GRIK2: variants seen among roughly 807,000 people sequenced by gnomAD.
The protein encoded by GRIK2 is glutamate receptor ionotropic, kainate 2.
Under a neutral mutation model 100.3 loss-of-function variants are expected in GRIK2, and 32 were observed. The ratio of observed to expected loss-of-function variants is 0.32; its 90% CI spans 0.24 to 0.43. The LOEUF is 0.43. Ranked by LOEUF, GRIK2 falls within the 20% of genes least tolerant of loss-of-function variation. The pLI, the probability that GRIK2 is intolerant of heterozygous loss-of-function variation, is 1.00. For synonymous variants in GRIK2, 417 were observed against 389.4 expected, an observed-to-expected ratio of 1.07 and a Z score of -0.83; for missense variants, 843 against 1,114.9, an observed-to-expected ratio of 0.76 and a Z score of 3.47.
At chr6:101,750,487 A>G (rs189755362) in intron 7 of GRIK2, among the ~76,000 whole-genome samples, 92 of 152,326 alleles carry the variant, frequency 6.0e-4, no homozygotes, top group Non-Finnish European at 1.0e-3. Flanking sequence ...CAAACCTTGT[A>G]GAGGAATCCT....
intron 10 of GRIK2, among the ~76,000 whole-genome samples, chr6:101,840,243 G>A (rs1303344479): frequency 6.6e-6 from 1 of 152,144 alleles, no homozygotes; most frequent in East Asian, 1.9e-4. Context: ...AGTTCTTTAA[G>A]CATATTGGGA....
intron 2 of GRIK2, among the ~76,000 whole-genome samples, chr6:101,589,126 C>A (rs1025136522): frequency 1.3e-5 from 2 of 152,038 alleles, no homozygotes; most frequent in African/African-American, 4.8e-5. Context: ...GGCTGCGATT[C>A]ACTATGACAC....
intron 4 of GRIK2, among the ~76,000 whole-genome samples, chr6:101,663,600 T>C (rs893897147): frequency 5.3e-5 from 8 of 152,356 alleles, no homozygotes; most frequent in Admixed American, 4.6e-4. Flanking sequence ...CAACTACCTC[T>C]GTGTCTTCTT....
In GRIK2 at chr6:101,676,700, G is replaced by A; in HGVS notation, c.619G>A (p.Asp207Asn). Residue 207 changes from aspartate to asparagine, a missense_variant, in exon 5 of 17, where the codon GAT (aspartate) becomes AAT (asparagine). Physicochemically the swap from Asp to Asn is conservative, Grantham distance 23. Coordinates refer to ENST00000369134, the MANE Select transcript of GRIK2 (RefSeq NM_021956.5). ...LRLKIRQLPA[D>N]TKDAKPLLKE... is the part of the protein sequence containing the mutation. ...ACTCAAAATTCGTCAGTTACCTGCT[G>A]ATACAAAGGATGCAAAACCCTTACT... 1 of 1,604,166 alleles carries A rather than the reference G, an allele frequency of 6.2e-7. No individual in the cohort carries two copies. Among genetic ancestry groups the A allele is most frequent in the Non-Finnish European group, 8.5e-7 (1 of 1,172,490 alleles).
chr6:101,658,439 T>G (rs1285202951), intron 4 of GRIK2, among the ~76,000 whole-genome samples: 3 of 152,214 alleles, frequency 2.0e-5, no homozygotes, highest in Admixed American at 6.5e-5. Flanking sequence ...ACATTCTCTT[T>G]ATCCAGTCTA....
In GRIK2 at chr6:102,027,190, T is replaced by C. The variant is rs1769750388; in HGVS notation, c.2086-8151T>C. On this transcript the variant is annotated intron_variant, in intron 14 of 16. Coordinates refer to ENST00000369134, the MANE Select transcript of GRIK2 (RefSeq NM_021956.5). Reference sequence around the variant, plus strand: ...AAGTTAGCATTATAAACAAAATTGGTCATGTAAAATTTATTGAAAAAGAAT... The same window carrying C: ...AAGTTAGCATTATAAACAAAATTGGCCATGTAAAATTTATTGAAAAAGAAT... Among the ~76,000 whole-genome samples, 5 of 151,222 alleles carry C rather than the reference T, an allele frequency of 3.3e-5. No individual in the cohort carries two copies. In the South Asian group the frequency reaches 1.0e-3, roughly 31 times the overall value.
chr6:101,876,484 AACACAC>A (rs34929195), intron 11 of GRIK2, among the ~76,000 whole-genome samples: 131 of 148,864 alleles, frequency 8.8e-4, no homozygotes, highest in South Asian at 4.9e-3. Context: ...AACAAAAACA[AACACAC>A]ACACACACAC....
intron 2 of GRIK2, among the ~76,000 whole-genome samples, chr6:101,564,997 A>G (rs2128296912): frequency 6.6e-6 from 1 of 152,246 alleles, no homozygotes; most frequent in South Asian, 2.1e-4. Flanking sequence ...TTACAAAAAA[A>G]TATGTCTCAG....
intron 15 of GRIK2, among the ~76,000 whole-genome samples, chr6:102,051,627 A>G (rs996936852): frequency 6.6e-6 from 1 of 152,142 alleles, no homozygotes; most frequent in African/African-American, 2.4e-5. Flanking sequence ...AAGTGAAAAT[A>G]TATGGTCACC....
chr6:101,644,114 A>G (rs1156254688), intron 4 of GRIK2, among the ~76,000 whole-genome samples: 4 of 151,798 alleles, frequency 2.6e-5, no homozygotes, highest in African/African-American at 9.7e-5. Flanking sequence ...GAAGAACCAA[A>G]TGTGAATAAG....
intron 2 of GRIK2, among the ~76,000 whole-genome samples, chr6:101,550,839 G>C (rs2128292404): frequency 6.6e-6 from 1 of 152,284 alleles, no homozygotes; most frequent in South Asian, 2.1e-4. Flanking sequence ...CCACTAATAA[G>C]TTGAGTAACC....
intron 14 of GRIK2, among the ~76,000 whole-genome samples, chr6:101,988,130 TGTGCGCGC>T (rs1303906242): frequency 0.013 from 261 of 20,672 alleles, no homozygotes; most frequent in African/African-American, 0.027. Context: ...TGTGTGTGTG[TGTGCGCGC>T]GCGCGCGCGC....
chr6:101,769,285 T>C (rs1778252763), intron 7 of GRIK2, among the ~76,000 whole-genome samples: 1 of 152,192 alleles, frequency 6.6e-6, no homozygotes, highest in Admixed American at 6.5e-5. Context: ...ATCTTTGTAG[T>C]AATTTTTCTT....
intron 2 of GRIK2, among the ~76,000 whole-genome samples, chr6:101,462,330 A>G (rs566462349): frequency 1.3e-5 from 2 of 152,252 alleles, no homozygotes; most frequent in Non-Finnish European, 2.9e-5. Flanking sequence ...GTGTTATAAG[A>G]AATGGTTATT....
chr6:101,435,158 A>G (rs974049160), intron 2 of GRIK2, among the ~76,000 whole-genome samples: 2 of 151,874 alleles, frequency 1.3e-5, no homozygotes, highest in Non-Finnish European at 2.9e-5. Flanking sequence ...GTACTTTTCT[A>G]TTCTTCTTTT....
chr6:101,936,559 T>C lies in GRIK2; in HGVS notation c.2085+7927T>C, dbSNP rs970514551. On this transcript the variant is annotated intron_variant, in intron 14 of 16. Coordinates refer to ENST00000369134, the MANE Select transcript of GRIK2 (RefSeq NM_021956.5). The stretch of plus-strand genomic sequence containing the variant: ...TTTTTACTCCCAGAGGTTGTCTCCC[T>C]CCCCCTTTCCTCATCTAACACACAA... 1.1e-4 allele frequency among the ~76,000 whole-genome samples: 17 copies of C among 152,198 alleles called. No homozygotes were observed. The East Asian group carries it at 3.3e-3, about 29-fold the overall frequency.
chr6:101,920,781 G>A (rs943662842), intron 12 of GRIK2, among the ~76,000 whole-genome samples: 8 of 151,134 alleles, frequency 5.3e-5, no homozygotes, highest in Non-Finnish European at 8.9e-5. Flanking sequence ...TAAGAAAAGT[G>A]GATCATAATC....
At chr6:101,458,003 C>T (rs1421995872) in intron 2 of GRIK2, among the ~76,000 whole-genome samples, 1 of 151,988 alleles carries the variant, frequency 6.6e-6, no homozygotes, top group Non-Finnish European at 1.5e-5. Context: ...AAAGCAAAAG[C>T]ACTTAAGCCA....
intron 12 of GRIK2, among the ~76,000 whole-genome samples, chr6:101,899,618 C>G (rs1787708534): frequency 6.6e-6 from 1 of 152,056 alleles, no homozygotes. Flanking sequence ...TTACTTTTAA[C>G]ATTTCGCTTT....
Sources: gnomAD v4.1 joint callset for allele counts (sites outside exome capture counted in the v4.1 genomes callset) on GRCh38, gnomAD v4.1.1 for gene constraint, MANE v1.5 for transcripts, NCBI Gene and HGNC (gene_info 2026-07-23, HGNC 2026-07-21) for gene names.